Variants in FBXL17 observed in about 807,000 individuals in gnomAD.
The protein encoded by FBXL17 is F-box/LRR-repeat protein 17.
FBXL17 carries 22 observed loss-of-function variants against 66.2 expected under a neutral mutation model. The observed-to-expected ratio is 0.33, with a 90% CI of 0.24 to 0.47. The LOEUF is 0.47. FBXL17 is among the 20% of genes least tolerant of loss of function. The pLI is 1.00. For missense variants in FBXL17, 878 were observed against 948.2 expected (o/e 0.93, Z 0.97); for synonymous variants, 474 against 400.5 (o/e 1.18, Z -2.19).
intron 4 of FBXL17, 43 bp downstream of exon 4, chr5:108,348,356 T>G: frequency 6.7e-7 from 1 of 1,483,342 alleles, no homozygotes; most frequent in Non-Finnish European, 9.1e-7. Flanking sequence ...ATTCGAAGGT[T>G]AGGAACAAAA....
chr5:108,202,339 TGTAA>T (rs1753931873), intron 5 of FBXL17, among the ~76,000 whole-genome samples: 1 of 151,974 alleles, frequency 6.6e-6, no homozygotes, highest in Admixed American at 6.6e-5. Context: ...ACAACTAGAG[TGTAA>T]GTAATAGAGT....
chr5:108,148,339 G>C (rs555859471), intron 6 of FBXL17, among the ~76,000 whole-genome samples: 1 of 152,244 alleles, frequency 6.6e-6, no homozygotes, highest in African/African-American at 2.4e-5. Context: ...ACTTTCCACT[G>C]AGATGATCCA....
intron 4 of FBXL17, among the ~76,000 whole-genome samples, chr5:108,254,557 G>A (rs1003544275): frequency 2.6e-5 from 4 of 152,062 alleles, no homozygotes; most frequent in Non-Finnish European, 5.9e-5. Context: ...ATGAACAGTG[G>A]GAGAAAATGA....
intron 6 of FBXL17, among the ~76,000 whole-genome samples, chr5:108,175,796 T>A (rs187265398): frequency 2.7e-4 from 41 of 152,306 alleles, no homozygotes; most frequent in South Asian, 6.2e-4. Flanking sequence ...TGTGTACCTA[T>A]CTTCTAAAAT....
rs182325168 is a variant in FBXL17 at position 108,041,663 on chromosome 5, C to T, written c.1746-20662G>A. 2.9e-3 allele frequency among the ~76,000 whole-genome samples: 444 copies of T among 152,164 alleles called. 2 individuals are homozygous for T. Among genetic ancestry groups the T allele is most frequent in the Middle Eastern group, 0.01 (3 of 294 alleles). On this transcript the variant is annotated intron_variant, in intron 6 of 8. Transcript: ENST00000542267. ...GAACTCCTTAGCTCAAGTGATCTTC[C>T]CACCTGGGCCTCACAAAGTGCTGAG...
At chr5:107,973,911 A>G (rs1752482038) in intron 7 of FBXL17, among the ~76,000 whole-genome samples, 1 of 151,604 alleles carries the variant, frequency 6.6e-6, no homozygotes, top group Non-Finnish European at 1.5e-5. Context: ...TTATTTAGTG[A>G]TAAAGAGTAG....
At chr5:108,108,108 T>C (rs1344763247) in intron 6 of FBXL17, among the ~76,000 whole-genome samples, 1 of 152,212 alleles carries the variant, frequency 6.6e-6, no homozygotes, top group Non-Finnish European at 1.5e-5. Flanking sequence ...CCATGTGGCT[T>C]ACTCCTTGAT....
chr5:107,993,116 C>G (rs1255983593), intron 7 of FBXL17, among the ~76,000 whole-genome samples: 1 of 152,102 alleles, frequency 6.6e-6, no homozygotes. Context: ...AGGATGGTCT[C>G]GATCTCCTGA....
chr5:107,958,886 G>A lies in FBXL17; in HGVS notation c.1822+62039C>T, dbSNP rs1751775259. On this transcript the variant is annotated intron_variant, in intron 7 of 8. Coordinates refer to ENST00000542267, the MANE Select transcript of FBXL17 (RefSeq NM_001163315.3). ...GAAAATAATGGAAAAATTACATCATGTTCTAAATTGTATATAGATCACTCA... is the reference window on the plus strand; with the variant it reads ...GAAAATAATGGAAAAATTACATCATATTCTAAATTGTATATAGATCACTCA... Among the ~76,000 whole-genome samples, 5 of 152,258 alleles carry A rather than the reference G, an allele frequency of 3.3e-5. No homozygotes were observed. The South Asian group carries it at 8.3e-4, about 25-fold the overall frequency.
intron 4 of FBXL17, chr5:108,298,969 A>G (rs1475646119): frequency 1.0e-6 from 1 of 967,930 alleles, no homozygotes; most frequent in Non-Finnish European, 1.2e-6. Flanking sequence ...TAGTGCCAGC[A>G]TTTAATGTAT....
chr5:108,354,706 A>T (rs759502636), intron 3 of FBXL17, among the ~76,000 whole-genome samples: 23 of 151,732 alleles, frequency 1.5e-4, no homozygotes, highest in Admixed American at 5.9e-4. Flanking sequence ...TATCATTTTC[A>T]AACTGCAAAA....
chr5:108,203,846 G>C (rs1410466446), intron 5 of FBXL17, among the ~76,000 whole-genome samples: 2 of 152,118 alleles, frequency 1.3e-5, no homozygotes, highest in Non-Finnish European at 2.9e-5. Context: ...TGAGTTAGCT[G>C]CATGAATGAA....
At chr5:107,921,498 G>A (rs1335239336) in intron 7 of FBXL17, among the ~76,000 whole-genome samples, 1 of 152,214 alleles carries the variant, frequency 6.6e-6, no homozygotes, top group Non-Finnish European at 1.5e-5. Flanking sequence ...GTATGGCAAA[G>A]CACAGGGCAT....
intron 7 of FBXL17, among the ~76,000 whole-genome samples, chr5:107,938,937 C>A (rs537500265): frequency 4.0e-4 from 61 of 152,090 alleles, no homozygotes; most frequent in Non-Finnish European, 6.5e-4. Context: ...ATTTCTAGGA[C>A]CTTTACAAAC....
At chr5:108,095,304 G>A (rs1044304542) in intron 6 of FBXL17, among the ~76,000 whole-genome samples, 26 of 151,862 alleles carry the variant, frequency 1.7e-4, no homozygotes, top group Admixed American at 2.6e-4. Context: ...AACAGATATC[G>A]GTGGGAACCT....
intron 3 of FBXL17, among the ~76,000 whole-genome samples, chr5:108,359,404 G>T (rs1461622351): frequency 6.6e-6 from 1 of 151,988 alleles, no homozygotes; most frequent in Non-Finnish European, 1.5e-5. Flanking sequence ...ACTGCTTTCA[G>T]ATCTTCTTTT....
At chr5:108,011,679 C>A (rs1256995218) in intron 7 of FBXL17, among the ~76,000 whole-genome samples, 1 of 152,058 alleles carries the variant, frequency 6.6e-6, no homozygotes, top group African/African-American at 2.4e-5. Context: ...ATAAAATTAG[C>A]CGGTCATGGT....
At chr5:107,895,109 T>C (rs1206599345) in intron 7 of FBXL17, among the ~76,000 whole-genome samples, 1 of 152,132 alleles carries the variant, frequency 6.6e-6, no homozygotes. Flanking sequence ...GTTGTTTTCC[T>C]CTGGTTCTAC....
intron 6 of FBXL17, among the ~76,000 whole-genome samples, chr5:108,130,149 T>C (rs1328610623): frequency 6.6e-6 from 1 of 151,848 alleles, no homozygotes; most frequent in African/African-American, 2.4e-5. Flanking sequence ...AATTTACTTT[T>C]AAAATATAAT....
Sources: gnomAD v4.1 joint callset for allele counts (sites outside exome capture counted in the v4.1 genomes callset) on GRCh38, gnomAD v4.1.1 for gene constraint, MANE v1.5 for transcripts, NCBI Gene and HGNC (gene_info 2026-07-23, HGNC 2026-07-21) for gene names.